GAB2: variants seen among roughly 807,000 people sequenced by gnomAD.
The protein encoded by GAB2 is GRB2 associated binding protein 2, also known as GRB2-associated-binding protein 2.
In GAB2, 26 loss-of-function variants were observed where a neutral mutation model predicts 65.5. The observed-to-expected ratio is 0.40, with a 90% CI of 0.29 to 0.55. The LOEUF (loss-of-function observed/expected upper bound fraction) is 0.55. GAB2 is among the 20% of genes least tolerant of loss of function. GAB2 has a pLI of 0.53. For synonymous variants in GAB2, 321 were observed against 329.6 expected, an observed-to-expected ratio of 0.97 and a Z score of 0.28; for missense variants, 884 against 875.8, an observed-to-expected ratio of 1.01 and a Z score of -0.12.
chr11:78,273,528 C>T lies in GAB2; in HGVS notation c.376+7073G>A, dbSNP rs373437438. 3.9e-5 allele frequency among the ~76,000 whole-genome samples: 6 copies of T among 152,364 alleles called. No homozygotes were observed. The East Asian group carries it at 7.7e-4, about 20-fold the overall frequency. On this transcript the variant is annotated intron_variant, in intron 2 of 9. Coordinates refer to ENST00000361507, the MANE Select transcript of GAB2 (RefSeq NM_080491.3). Reference sequence around the variant, plus strand: ...TTAGAATGGCTGTATTTACCCAATGCTTGTATCCCCATTGTATCTAGGAAA... The same window carrying T: ...TTAGAATGGCTGTATTTACCCAATGTTTGTATCCCCATTGTATCTAGGAAA...
At chr11:78,269,117 G>GA (rs1423250452) in intron 2 of GAB2, among the ~76,000 whole-genome samples, 3 of 151,840 alleles carry the variant, frequency 2.0e-5, no homozygotes, top group Non-Finnish European at 4.4e-5. Context: ...TGTCTCAGTG[G>GA]AAAAAAAGGG....
intron 2 of GAB2, among the ~76,000 whole-genome samples, chr11:78,264,610 T>A: frequency 6.6e-6 from 1 of 151,970 alleles, no homozygotes. Context: ...TTTCGCCATG[T>A]TGGCCAGGCT....
At chr11:78,323,348 A>G (rs2134665953) in intron 1 of GAB2, among the ~76,000 whole-genome samples, 1 of 152,140 alleles carries the variant, frequency 6.6e-6, no homozygotes, top group Non-Finnish European at 1.5e-5. Context: ...CATCTCTACT[A>G]AAATACAAAA....
At chr11:78,230,826 G>C (rs1383536863) in intron 3 of GAB2, among the ~76,000 whole-genome samples, 4 of 152,190 alleles carry the variant, frequency 2.6e-5, no homozygotes, top group African/African-American at 9.7e-5. Flanking sequence ...TGGTCCCTTT[G>C]GGCAATAATC....
intron 2 of GAB2, among the ~76,000 whole-genome samples, chr11:78,267,038 G>T (rs1269485051): frequency 4.6e-5 from 7 of 152,208 alleles, no homozygotes; most frequent in African/African-American, 1.7e-4. Context: ...CTTCCAGTGG[G>T]CAGGCGGGCT....
chr11:78,262,702 GC>G (rs1865766183), intron 2 of GAB2, among the ~76,000 whole-genome samples: 1 of 152,168 alleles, frequency 6.6e-6, no homozygotes, highest in South Asian at 2.1e-4. Context: ...GTGTCTTGTT[GC>G]CTTGCCATCT....
chr11:78,342,452 CAGGCTGGA>C (rs990116239), intron 1 of GAB2, among the ~76,000 whole-genome samples: 4 of 150,026 alleles, frequency 2.7e-5, no homozygotes, highest in African/African-American at 9.9e-5. Context: ...CTTTGTCGCC[CAGGCTGGA>C]GTGCAGTGGC....
intron 1 of GAB2, among the ~76,000 whole-genome samples, chr11:78,326,495 G>C (rs1481290601): frequency 1.3e-5 from 2 of 152,064 alleles, no homozygotes; most frequent in Admixed American, 6.6e-5. Flanking sequence ...TTTTCTAAAT[G>C]AAGAGTAAAT....
chr11:78,308,087 C>T lies in GAB2; in HGVS notation c.76-27186G>A, dbSNP rs139048085. Among the ~76,000 whole-genome samples, 147 of 152,178 alleles carry T rather than the reference C, an allele frequency of 9.7e-4. 1 individual carries two copies. The highest frequency in any genetic ancestry group is 3.3e-3 in the African/African-American group (137 of 41,496). ...TTGGAACTCCAAATCCTTGGGCCTT[C>T]GGACATCGGAACTCCAGATGCTTGG... On this transcript the variant is annotated intron_variant, in intron 1 of 9. Transcript: ENST00000361507.
intron 1 of GAB2, among the ~76,000 whole-genome samples, chr11:78,296,413 C>A (rs776856426): frequency 6.6e-6 from 1 of 152,220 alleles, no homozygotes; most frequent in Non-Finnish European, 1.5e-5. Flanking sequence ...TCATGGCTAA[C>A]AGCACTTCAA....
chr11:78,265,748 T>C lies in GAB2; in HGVS notation c.376+14853A>G, dbSNP rs184335555. Among the ~76,000 whole-genome samples the C allele has an allele frequency of 5.1e-4, 78 of 152,312 alleles. 1 individual carries two copies. The highest frequency in any genetic ancestry group is 4.6e-3 in the Admixed American group (70 of 15,298). The stretch of plus-strand genomic sequence containing the variant: ...AAAGTACATGTTATATGTTTCAATA[T>C]ACAGAATTTCAGGTATCTCACACTT... On this transcript the variant is annotated intron_variant, in intron 2 of 9. Transcript: ENST00000361507.
chr11:78,259,977 C>T (rs1865688440), intron 2 of GAB2, among the ~76,000 whole-genome samples: 1 of 152,162 alleles, frequency 6.6e-6, no homozygotes, highest in Non-Finnish European at 1.5e-5. Flanking sequence ...TGGACCAGAT[C>T]TGTTATTTGT....
At chr11:78,227,901 A>AG (rs1396468270) in intron 3 of GAB2, among the ~76,000 whole-genome samples, 1 of 152,172 alleles carries the variant, frequency 6.6e-6, no homozygotes, top group Non-Finnish European at 1.5e-5. Flanking sequence ...AGGCATTTTG[A>AG]GGGGAAAGAT....
chr11:78,388,335 T>G (rs1273552316), intron 1 of GAB2, among the ~76,000 whole-genome samples: 1 of 151,832 alleles, frequency 6.6e-6, no homozygotes, highest in Non-Finnish European at 1.5e-5. Context: ...GGCCTCCACA[T>G]TGTTTTTTTG....
intron 1 of GAB2, among the ~76,000 whole-genome samples, chr11:78,394,319 A>G (rs2135069331): frequency 6.6e-6 from 1 of 152,126 alleles, no homozygotes; most frequent in East Asian, 1.9e-4. Context: ...AAAAGAAGCT[A>G]TACTATGAGA....
chr11:78,223,289 C>G lies in GAB2; in HGVS notation c.1567+123G>C, dbSNP rs1864515635. 7 of 741,106 alleles carry G rather than the reference C, an allele frequency of 9.4e-6. No homozygotes were observed. The South Asian group carries it at 2.0e-4, about 22-fold the overall frequency. The allele number at this position is 741,106 out of a possible 1,614,324, so 45.9% of individuals were successfully genotyped here. On this transcript the variant is annotated intron_variant, in intron 6 of 9. Coordinates refer to ENST00000361507, the MANE Select transcript of GAB2 (RefSeq NM_080491.3). ...TTTCACAGATAAGAAAACTGAGACT[C>G]AGATTTTACATGATTTGCCCCAAGT...
At chr11:78,235,721 A>T (rs1280831135) in intron 3 of GAB2, among the ~76,000 whole-genome samples, 1 of 152,162 alleles carries the variant, frequency 6.6e-6, no homozygotes, top group Non-Finnish European at 1.5e-5. Context: ...CCTCATCTCC[A>T]TCTGAGACCA....
chr11:78,236,399 C>T (rs1259577182), intron 3 of GAB2, among the ~76,000 whole-genome samples: 1 of 152,166 alleles, frequency 6.6e-6, no homozygotes, highest in Non-Finnish European at 1.5e-5. Context: ...TATCCACCTG[C>T]CTCAGCATCC....
chr11:78,222,915 T>C (rs903687964), intron 6 of GAB2, among the ~76,000 whole-genome samples: 1 of 152,130 alleles, frequency 6.6e-6, no homozygotes, highest in Non-Finnish European at 1.5e-5. Flanking sequence ...GAAGTATAGA[T>C]GGTCACCGTG....
Sources: gnomAD v4.1 joint callset for allele counts (sites outside exome capture counted in the v4.1 genomes callset) on GRCh38, gnomAD v4.1.1 for gene constraint, MANE v1.5 for transcripts, NCBI Gene and HGNC (gene_info 2026-07-23, HGNC 2026-07-21) for gene names.